Variants in MTUS1 observed in about 807,000 individuals in gnomAD.
MTUS1 encodes the protein microtubule-associated tumor suppressor 1.
Under a neutral mutation model 120.8 loss-of-function variants are expected in MTUS1, and 109 were observed. The ratio of observed to expected loss-of-function variants is 0.90; its 90% confidence interval spans 0.77 to 1.06. The LOEUF (loss-of-function observed/expected upper bound fraction) is 1.06, where lower values mean the gene tolerates loss of function less well. Among genes scored for constraint, MTUS1 ranks in the 50% least tolerant of loss-of-function variants. MTUS1 has a pLI of 0.00. For missense variants in MTUS1, 2,210 were observed against 1,486.3 expected (o/e 1.49, Z -8.01); for synonymous variants, 737 against 550.5 (o/e 1.34, Z -4.74).
intron 9 of MTUS1, chr8:17,655,152 G>T (rs1467829695): frequency 6.4e-6 from 1 of 156,172 alleles, no homozygotes; most frequent in Non-Finnish European, 1.4e-5. Context: ...GCCCTAGCAT[G>T]TGCCTGGCCT....
chr8:17,742,926 T>C (rs1385325433), intron 3 of MTUS1, among the ~76,000 whole-genome samples: 1 of 152,202 alleles, frequency 6.6e-6, no homozygotes, highest in East Asian at 1.9e-4. Flanking sequence ...AGGTGGGTTC[T>C]TTGCAAGATG....
intron 1 of MTUS1, among the ~76,000 whole-genome samples, chr8:17,783,504 G>C (rs576860468): frequency 5.3e-5 from 8 of 152,216 alleles, no homozygotes; most frequent in African/African-American, 1.7e-4. Context: ...ACTAGACATG[G>C]AGGAGGAGAT....
chr8:17,758,858 T>A (rs7463627), intron 1 of MTUS1, among the ~76,000 whole-genome samples: 148,814 of 152,338 alleles, frequency 0.98, 72,779 homozygotes, highest in East Asian at 1. Context: ...TAAATTGAAT[T>A]AAGGGCTCAT....
chr8:17,744,320 C>A (rs532661711), intron 2 of MTUS1, among the ~76,000 whole-genome samples: 1 of 152,152 alleles, frequency 6.6e-6, no homozygotes, highest in Non-Finnish European at 1.5e-5. Context: ...AAGGCGGCCA[C>A]GTATGAGATT....
chr8:17,650,054 G>C (rs1806657330), intron 12 of MTUS1, 92 bp from the exon 13 acceptor site: 1 of 775,072 alleles, frequency 1.3e-6, no homozygotes. Flanking sequence ...CATTAGACAA[G>C]TAGCAAGCGA....
At chr8:17,673,271 G>C (rs1812395159) in intron 8 of MTUS1, among the ~76,000 whole-genome samples, 1 of 151,886 alleles carries the variant, frequency 6.6e-6, no homozygotes, top group Non-Finnish European at 1.5e-5. Flanking sequence ...TGTTTCACCA[G>C]AACTCTCAAG....
At chr8:17,775,095 G>A (rs1446070083) in intron 1 of MTUS1, among the ~76,000 whole-genome samples, 1 of 152,050 alleles carries the variant, frequency 6.6e-6, no homozygotes, top group Non-Finnish European at 1.5e-5. Flanking sequence ...AGGGGCTGGG[G>A]CAGGGGAACA....
At chr8:17,765,678 C>CCACACACACACACACACACA (rs60406848) in intron 1 of MTUS1, among the ~76,000 whole-genome samples, 3 of 130,162 alleles carry the variant, frequency 2.3e-5, no homozygotes, top group South Asian at 2.6e-4. Flanking sequence ...AATACAGACA[C>CCACACACACACACACACACA]CACACACACA....
At position 17,655,964 on chromosome 8, in the gene MTUS1, G is replaced by A. The variant is rs758610209; in HGVS notation, c.3007C>T (p.Arg1003Ter). ...TAAAACTCTTTAAGCCGATTCTCTC[G>A]TTCTGTTTTTTCAGCCTGGTGCTGC... ...VQQHQAEKTE[R>*]ENRLKEFYTR... Residue 1003 changes from arginine (R) to a stop codon, truncating the protein, a stop_gained, in exon 9 of 15, where the codon CGA (arginine) becomes TGA (stop). Coordinates refer to ENST00000693296, the MANE Select transcript of MTUS1 (RefSeq NM_001363059.2). LOFTEE classifies it high-confidence loss of function. 11 of 1,614,018 alleles carry A rather than the reference G, an allele frequency of 6.8e-6. No homozygotes were observed. The highest frequency in any genetic ancestry group is 1.7e-5 in the Admixed American group (1 of 59,998).
Position 17,645,922 on chromosome 8 carries a change from G to T in MTUS1, c.*4C>A, listed in dbSNP as rs1043883. 4 of 1,607,952 alleles carry T rather than the reference G, an allele frequency of 2.5e-6. No individual in the cohort carries two copies. The highest frequency in any genetic ancestry group is 2.2e-5 in the South Asian group (2 of 89,934). ...TCAGAGAGTCTGTGGACTTTGGGGA[G>T]GTGTCATCTGGGTGAAATGCTGGGG... On this transcript the variant is annotated 3_prime_UTR_variant, in exon 15 of 15. Transcript: ENST00000693296.
chr8:17,722,448 A>C (rs2045915420), intron 4 of MTUS1: 1 of 985,430 alleles, frequency 1.0e-6, no homozygotes, highest in Non-Finnish European at 1.2e-6. Flanking sequence ...TCCCTCTTAC[A>C]TGCAAGCCTG....
intron 8 of MTUS1, among the ~76,000 whole-genome samples, chr8:17,669,820 G>A (rs1234509630): frequency 6.6e-6 from 1 of 151,112 alleles, no homozygotes; most frequent in Admixed American, 6.6e-5. Context: ...ACTCCAGCAT[G>A]GGTGACAGGG....
intron 1 of MTUS1, among the ~76,000 whole-genome samples, chr8:17,762,710 A>G (rs73565347): frequency 8.7e-4 from 133 of 152,350 alleles, no homozygotes; most frequent in African/African-American, 3.2e-3. Flanking sequence ...AAACAAGTAT[A>G]AATTTGAAAT....
chr8:17,743,743 G>T lies in MTUS1; in HGVS notation c.2148C>A (p.Ser716=). 6.2e-7 allele frequency: 1 copy of T among 1,614,152 alleles called. No individual in the cohort carries two copies. Among genetic ancestry groups the T allele is most frequent in the Non-Finnish European group, 8.5e-7 (1 of 1,180,036 alleles). ...GAGCAGCTATTTGCCTCAAACCGCAGGAGTCAGGCTTGGATATATTCCTAC... is the reference window on the plus strand; with the variant it reads ...GAGCAGCTATTTGCCTCAAACCGCATGAGTCAGGCTTGGATATATTCCTAC... ...TSGRNISKPD[S]CGLRQIAAPK... The change falls in exon 3 of 15, where the codon TCC becomes TCA. Residue 716 remains serine (S), a synonymous_variant. Transcript: ENST00000693296.
intron 4 of MTUS1, chr8:17,721,632 T>G: frequency 6.9e-7 from 1 of 1,451,724 alleles, no homozygotes; most frequent in Non-Finnish European, 9.2e-7. Flanking sequence ...AAAACAGAAG[T>G]CAAGAGATCC....
chr8:17,695,150 A>C (rs1045242942), intron 6 of MTUS1, among the ~76,000 whole-genome samples: 5 of 152,214 alleles, frequency 3.3e-5, no homozygotes, highest in African/African-American at 4.8e-5. Flanking sequence ...TCGGACGTTA[A>C]AATGACATAA....
chr8:17,781,160 C>G (rs1290895908), intron 1 of MTUS1, among the ~76,000 whole-genome samples: 2 of 152,156 alleles, frequency 1.3e-5, no homozygotes, highest in African/African-American at 2.4e-5. Context: ...TGATCTGTTT[C>G]CACCTAAAAT....
intron 7 of MTUS1, among the ~76,000 whole-genome samples, chr8:17,680,950 T>A (rs374419671): frequency 1.3e-5 from 2 of 152,116 alleles, no homozygotes; most frequent in African/African-American, 4.8e-5. Flanking sequence ...TCTTTTTTTT[T>A]TAAGTTGGAA....
chr8:17,667,865 T>C (rs944263016), intron 8 of MTUS1, among the ~76,000 whole-genome samples: 13 of 152,292 alleles, frequency 8.5e-5, no homozygotes, highest in South Asian at 2.1e-4. Context: ...AGCTGAACAT[T>C]GTTTGTTAGG....
Sources: gnomAD v4.1 joint callset for allele counts (sites outside exome capture counted in the v4.1 genomes callset) on GRCh38, gnomAD v4.1.1 for gene constraint, MANE v1.5 for transcripts, NCBI Gene and HGNC (gene_info 2026-07-23, HGNC 2026-07-21) for gene names.